SHROOM3: variants seen among roughly 807,000 people sequenced by gnomAD.
SHROOM3 encodes protein Shroom3.
Under a neutral mutation model 138.6 loss-of-function variants are expected in SHROOM3, and 47 were observed. That is an observed-to-expected ratio of 0.34 (90% CI 0.27 to 0.43). The LOEUF (loss-of-function observed/expected upper bound fraction) is 0.43. Among genes scored for constraint, SHROOM3 ranks in the 20% least tolerant of loss-of-function variants. The pLI is 1.00. For missense variants in SHROOM3, 2,491 were observed against 2,596.5 expected (o/e 0.96, Z 0.88); for synonymous variants, 1,062 against 1,063.3 (o/e 1.00, Z 0.02).
Position 76,739,527 on chromosome 4 carries a change from T to C in SHROOM3, c.1354T>C (p.Tyr452His). The C allele has an allele frequency of 2.5e-6, 4 of 1,614,108 alleles. No homozygotes were observed. The Admixed American group carries it at 6.7e-5, about 27-fold the overall frequency. ...CCCCCCAGTGAAGCCCAAGCATAACTATACCCAGAAGGCCCAACCTGGCCA... is the reference window on the plus strand; with the variant it reads ...CCCCCCAGTGAAGCCCAAGCATAACCATACCCAGAAGGCCCAACCTGGCCA... ...NSPPVKPKHNYTQKAQPGQPL... is the reference protein window; with the variant it reads ...NSPPVKPKHNHTQKAQPGQPL... Residue 452 changes from tyrosine (Y) to histidine (H), a missense_variant, in exon 5 of 11, where the codon TAT (tyrosine) becomes CAT (histidine). By Grantham distance (83) the Tyr-to-His change is moderately conservative. Around this residue, in one of 4 missense-constraint regions of SHROOM3, gnomAD observed 1,733 missense variants for 1,661.6 expected, o/e 1.04. Transcript: ENST00000296043.
At chr4:76,520,900 C>G (rs1442777989) in intron 1 of SHROOM3, among the ~76,000 whole-genome samples, 1 of 152,176 alleles carries the variant, frequency 6.6e-6, no homozygotes, top group Non-Finnish European at 1.5e-5. Context: ...CAGCTTTTTC[C>G]CCAATATTTG....
intron 2 of SHROOM3, among the ~76,000 whole-genome samples, chr4:76,609,947 ATTTTGTTTTAT>A (rs1734727841): frequency 6.6e-6 from 1 of 152,184 alleles, no homozygotes; most frequent in East Asian, 1.9e-4. Context: ...CCTGGTACCC[ATTTTGTTTTAT>A]TTTTATTTAT....
rs1721254354 is a variant in SHROOM3 at position 76,741,480 on chromosome 4, G to A, written c.3307G>A (p.Gly1103Ser). The A allele has an allele frequency of 6.4e-7, 1 of 1,560,144 alleles. No homozygotes were observed. Among genetic ancestry groups the A allele is most frequent in the Non-Finnish European group, 8.6e-7 (1 of 1,156,762 alleles). Residue 1103 changes from glycine (G) to serine (S), a missense_variant, in exon 5 of 11, where the codon GGC becomes AGC. Gly to Ser is a moderately conservative substitution (Grantham distance 56). Coordinates refer to ENST00000296043, the MANE Select transcript of SHROOM3 (RefSeq NM_020859.4). The surrounding 1 kb of genome is among the most constrained non-coding windows in gnomAD (Gnocchi z 6.2). The part of the protein sequence containing the change: ...KTGKRPTSAA[G>S]CSLQEPGPLR... ...CGGCAAGCGGCCTACCTCCGCCGCC[G>A]GCTGCAGCCTCCAGGAGCCCGGGCC... is the stretch of plus-strand genomic sequence containing the variant.
At chr4:76,555,364 C>T (rs371922252) in intron 1 of SHROOM3, among the ~76,000 whole-genome samples, 2 of 151,918 alleles carry the variant, frequency 1.3e-5, no homozygotes, top group Admixed American at 1.3e-4. Flanking sequence ...TGAGTTCTGT[C>T]GTTCATTCAG....
intron 2 of SHROOM3, among the ~76,000 whole-genome samples, chr4:76,624,442 G>C (rs1735079883): frequency 6.6e-6 from 1 of 152,132 alleles, no homozygotes; most frequent in Admixed American, 6.5e-5. Flanking sequence ...TTCTTGGGAA[G>C]TTTTTAGGTT....
At chr4:76,746,411 C>T (rs955059622) in intron 5 of SHROOM3, among the ~76,000 whole-genome samples, 1 of 152,144 alleles carries the variant, frequency 6.6e-6, no homozygotes, top group Non-Finnish European at 1.5e-5. Context: ...ATTGCAACTG[C>T]CTACAGTATT....
chr4:76,680,266 G>A (rs999237442), intron 2 of SHROOM3, among the ~76,000 whole-genome samples: 4 of 151,336 alleles, frequency 2.6e-5, no homozygotes, highest in African/African-American at 4.9e-5. Context: ...TCAGCCTACC[G>A]AGTAGCTGGG....
rs1349074358 is a variant in SHROOM3, at chr4:76,741,687, A to G, written c.3514A>G (p.Ser1172Gly). ...ETQQAPRDRS[S>G]SFAGGRRLGE... ...CCAGCAGGCTCCCCGAGATCGCAGC[A>G]GCTCCTTCGCCGGTGGCCGCCGCCT... The change falls in exon 5 of 11, where the codon AGC becomes GGC. Residue 1172 changes from serine (S) to glycine (G), a missense_variant. Physicochemically the swap from Ser to Gly is moderately conservative, Grantham distance 56. Transcript: ENST00000296043. This position sits in a 1 kb window ranked among gnomAD's most constrained non-coding sequence, Gnocchi z 6.2. 1.3e-6 allele frequency: 2 copies of G among 1,552,696 alleles called. No homozygotes were observed. The highest frequency in any genetic ancestry group is 4.8e-5 in the East Asian group (2 of 41,540).
At chr4:76,443,829 A>G (rs1405140753) in intron 1 of SHROOM3, among the ~76,000 whole-genome samples, 1 of 152,182 alleles carries the variant, frequency 6.6e-6, no homozygotes, top group African/African-American at 2.4e-5. Context: ...GGGCATCTGA[A>G]CCTGAATTTG....
chr4:76,724,456 C>T (rs1438173095), intron 3 of SHROOM3, among the ~76,000 whole-genome samples: 1 of 151,686 alleles, frequency 6.6e-6, no homozygotes, highest in African/African-American at 2.4e-5. Context: ...TTTTAACTCT[C>T]AAGCTACAGT....
chr4:76,644,567 G>T (rs6827757), intron 2 of SHROOM3, among the ~76,000 whole-genome samples: 49,225 of 146,800 alleles, frequency 0.34, 8,207 homozygotes, highest in East Asian at 0.52. Context: ...GACATACGGG[G>T]TTTTTTTTTT....
chr4:76,618,712 C>T (rs1734935423), intron 2 of SHROOM3, among the ~76,000 whole-genome samples: 1 of 152,200 alleles, frequency 6.6e-6, no homozygotes, highest in Admixed American at 6.5e-5. Flanking sequence ...TCTTTTATAG[C>T]TACAGTATAA....
chr4:76,510,832 A>T (rs1382337790), intron 1 of SHROOM3, among the ~76,000 whole-genome samples: 2 of 152,314 alleles, frequency 1.3e-5, no homozygotes, highest in Non-Finnish European at 2.9e-5. Context: ...TTCCCTCATC[A>T]GTGAAGTGAA....
chr4:76,742,074 TGA>T (rs1278763372), intron 5 of SHROOM3, 148 bp downstream of exon 5: 1 of 1,087,620 alleles, frequency 9.2e-7, no homozygotes. Flanking sequence ...TTTCATGAGT[TGA>T]GTTTCTCAAG....
At chr4:76,495,708 G>T (rs1020930538) in intron 1 of SHROOM3, among the ~76,000 whole-genome samples, 1 of 152,216 alleles carries the variant, frequency 6.6e-6, no homozygotes, top group Non-Finnish European at 1.5e-5. Flanking sequence ...TAGACGAAGT[G>T]GTTGGGAACA....
At chr4:76,504,403 C>G (rs1349110408) in intron 1 of SHROOM3, among the ~76,000 whole-genome samples, 1 of 152,184 alleles carries the variant, frequency 6.6e-6, no homozygotes, top group Admixed American at 6.5e-5. Flanking sequence ...AGGTGATCCA[C>G]CTGCCTCGGC....
intron 2 of SHROOM3, among the ~76,000 whole-genome samples, chr4:76,648,305 G>A (rs1735871502): frequency 6.6e-6 from 1 of 152,164 alleles, no homozygotes; most frequent in Non-Finnish European, 1.5e-5. Flanking sequence ...TCTAGCCTTG[G>A]TGACAGAGTG....
intron 2 of SHROOM3, among the ~76,000 whole-genome samples, chr4:76,563,681 G>A (rs375760793): frequency 7.2e-5 from 11 of 152,260 alleles, no homozygotes; most frequent in African/African-American, 2.6e-4. Context: ...CTATCAAGTG[G>A]GCAGGCAGTG....
intron 10 of SHROOM3, among the ~76,000 whole-genome samples, chr4:76,771,465 A>G (rs1319199841): frequency 1.3e-5 from 2 of 152,180 alleles, no homozygotes; most frequent in East Asian, 1.9e-4. Context: ...TTTCCTCCCA[A>G]CTGTCTTCCT....
Sources: allele counts gnomAD v4.1 joint callset (sites outside exome capture counted in the v4.1 genomes callset), GRCh38; gene constraint gnomAD v4.1.1; regional missense constraint gnomAD v4.1.1; non-coding constraint Gnocchi (gnomAD v3.1); transcripts MANE v1.5; gene names NCBI Gene and HGNC (gene_info 2026-07-23, HGNC 2026-07-21).